Variants in WDR33 observed in about 807,000 individuals in gnomAD.
The protein encoded by WDR33 is pre-mRNA 3' end processing protein WDR33.
Under a neutral mutation model 164.9 loss-of-function variants are expected in WDR33, and 47 were observed. The ratio of observed to expected loss-of-function variants is 0.29; its 90% CI spans 0.23 to 0.36. The LOEUF (loss-of-function observed/expected upper bound fraction) is 0.36. Among genes scored for constraint, WDR33 ranks in the 10% least tolerant of loss-of-function variants. The probability of loss-of-function intolerance (pLI) is 1.00; values close to 1 mark genes in which losing one functional copy is unlikely to be tolerated. For missense variants in WDR33, 1,137 were observed against 1,754.1 expected (o/e 0.65, Z 6.28); for synonymous variants, 505 against 589.0 (o/e 0.86, Z 2.06).
chr2:127,707,495 T>C (rs1001576422), intron 21 of WDR33, among the ~76,000 whole-genome samples: 1 of 152,122 alleles, frequency 6.6e-6, no homozygotes. Flanking sequence ...CTGGGCAGAG[T>C]GTCAGCTACT....
intron 7 of WDR33, among the ~76,000 whole-genome samples, chr2:127,751,501 T>C (rs548224667): frequency 1.3e-5 from 2 of 149,226 alleles, no homozygotes; most frequent in South Asian, 4.2e-4. Context: ...TGGTGAGCTA[T>C]GATCATGCCA....
chr2:127,711,958 G>T (rs1479603617), intron 18 of WDR33, among the ~76,000 whole-genome samples: 1 of 150,102 alleles, frequency 6.7e-6, no homozygotes, highest in Non-Finnish European at 1.5e-5. Context: ...ATCTTTAGTA[G>T]AGACAGGGTT....
intron 7 of WDR33, among the ~76,000 whole-genome samples, chr2:127,757,256 T>C (rs990507143): frequency 3.3e-5 from 5 of 152,134 alleles, no homozygotes; most frequent in African/African-American, 9.7e-5. Flanking sequence ...TAAATAAGCA[T>C]AGCGATTAAA....
At chr2:127,788,286 G>A (rs1314677349) in intron 1 of WDR33, among the ~76,000 whole-genome samples, 4 of 124,024 alleles carry the variant, frequency 3.2e-5, no homozygotes, top group Admixed American at 7.4e-5. Flanking sequence ...GCGGCCGGCC[G>A]GGCGGGGGGC....
chr2:127,719,483 G>T lies in WDR33; in HGVS notation c.2542C>A (p.Pro848Thr), dbSNP rs773516603. 7.7e-5 allele frequency: 124 copies of T among 1,601,684 alleles called. No individual in the cohort carries two copies. Among genetic ancestry groups the T allele is most frequent in the Admixed American group, 1.5e-4 (9 of 58,194 alleles). Residue 848 changes from proline (P) to threonine (T), a missense_variant, in exon 16 of 22, where the codon CCT (proline) becomes ACT (threonine). Transcript: ENST00000322313. The surrounding 1 kb of genome is among the most constrained non-coding windows in gnomAD (Gnocchi z 6.5). ...GGAGGCCCTCGCAATTCCTGGGGAG[G>T]TCCCAGCATTGATCCTTGGGGTGGA... is the stretch of plus-strand genomic sequence containing the variant. ...GPPPQGSMLG[P>T]PQELRGPPGS...
chr2:127,734,527 G>C (rs1002722645), intron 7 of WDR33, among the ~76,000 whole-genome samples: 1 of 152,154 alleles, frequency 6.6e-6, no homozygotes, highest in Admixed American at 6.6e-5. Context: ...GGAAGTAAAC[G>C]ATTTCACTTA....
chr2:127,794,013 G>A (rs747425426), intron 1 of WDR33, among the ~76,000 whole-genome samples: 1 of 151,924 alleles, frequency 6.6e-6, no homozygotes, highest in Non-Finnish European at 1.5e-5. Context: ...CGCACCCGTG[G>A]CCCCAGCTAC....
rs537390855 is a variant in WDR33, at chr2:127,771,412, T to A, written c.-23-408A>T. ...ACACCATAGAAAAGTATGATAAAAA[T>A]ACTATATTATAATCTTATGAGACCA... is the stretch of plus-strand genomic sequence containing the variant. On this transcript the variant is annotated intron_variant, in intron 1 of 21. Coordinates refer to ENST00000322313, the MANE Select transcript of WDR33 (RefSeq NM_018383.5). Among the ~76,000 whole-genome samples the A allele has an allele frequency of 2.0e-5, 3 of 152,268 alleles. No homozygotes were observed. The East Asian group carries it at 5.8e-4, about 29-fold the overall frequency.
At position 127,701,452 on chromosome 2, in the gene WDR33, G is replaced by A. The variant is rs2105363197; in HGVS notation, c.*4871C>T. On this transcript the variant is annotated 3_prime_UTR_variant, in exon 22 of 22. Transcript: ENST00000322313. Reference sequence around the variant, plus strand: ...CTTTCGCCGTCGCCGACCAATTGCCGCCCGAAGACCGAACCGCTTCAGCGG... The same window carrying A: ...CTTTCGCCGTCGCCGACCAATTGCCACCCGAAGACCGAACCGCTTCAGCGG... The A allele has an allele frequency of 3.3e-6, 4 of 1,222,768 alleles. No individual in the cohort carries two copies. Among genetic ancestry groups the A allele is most frequent in the Non-Finnish European group, 4.1e-6 (4 of 976,870 alleles). The allele number at this position is 1,222,768 out of a possible 1,614,324, so 75.7% of individuals were successfully genotyped here.
Position 127,724,539 on chromosome 2 carries a change from A to G in WDR33, c.1086-96T>C. 9.2e-7 allele frequency: 1 copy of G among 1,083,136 alleles called. No individual in the cohort carries two copies. 67.1% of individuals were successfully genotyped at this position (1,083,136 alleles called of 1,614,324 possible). Reference sequence around the variant, plus strand: ...ACATTTTCTGTTACTCTTAAAATGAAGCTACCAAAGCCTGGACTTGGACTC... The same window carrying G: ...ACATTTTCTGTTACTCTTAAAATGAGGCTACCAAAGCCTGGACTTGGACTC... On this transcript the variant is annotated intron_variant, in intron 10 of 21. Coordinates refer to ENST00000322313, the MANE Select transcript of WDR33 (RefSeq NM_018383.5). The surrounding 1 kb of genome is among the most constrained non-coding windows in gnomAD (Gnocchi z 4.8).
At position 127,701,979 on chromosome 2, in the gene WDR33, G is replaced by A. The variant is rs948225425; in HGVS notation, c.*4344C>T. On this transcript the variant is annotated 3_prime_UTR_variant, in exon 22 of 22. Transcript: ENST00000322313. ...GTCCCGGCCCGCGCTGCTCTACATG[G>A]CAGCGCTGGGCGCCACGCTGTTCGC... 6.6e-6 allele frequency: 9 copies of A among 1,359,748 alleles called. No individual in the cohort carries two copies. The highest frequency in any genetic ancestry group is 1.5e-5 in the African/African-American group (1 of 64,720). The allele number at this position is 1,359,748 out of a possible 1,614,324, so 84.2% of individuals were successfully genotyped here. A position where few individuals can be genotyped will look rare whatever the true frequency, so the allele number is the denominator to read the frequency against.
intron 1 of WDR33, among the ~76,000 whole-genome samples, chr2:127,798,486 C>T (rs1689122473): frequency 6.7e-6 from 1 of 149,686 alleles, no homozygotes; most frequent in Non-Finnish European, 1.5e-5. Flanking sequence ...TATTTCAAAT[C>T]TGTCAATAGC....
In WDR33 at chr2:127,765,794, T is replaced by TA. The variant is rs769820035; in HGVS notation, c.379-526dup. Among the ~76,000 whole-genome samples, 285 of 135,756 alleles carry TA rather than the reference T, an allele frequency of 2.1e-3. 1 individual carries two copies. The highest frequency in any genetic ancestry group is 5.8e-3 in the South Asian group (25 of 4,290). The allele number at this position is 135,756 out of a possible 152,430, so 89.1% of individuals were successfully genotyped here. A position where few individuals can be genotyped will look rare whatever the true frequency, so the allele number is the denominator to read the frequency against. On this transcript the variant is annotated intron_variant, in intron 4 of 21. Transcript: ENST00000322313. ...AACTCTTCCTGCAGCTAAACATATT[T>TA]AAAAAAAAAAAAAAAAGTAAGCTCT... is the stretch of plus-strand genomic sequence containing the variant.
intron 1 of WDR33, among the ~76,000 whole-genome samples, chr2:127,802,894 T>A (rs918622454): frequency 2.0e-5 from 3 of 151,980 alleles, no homozygotes; most frequent in African/African-American, 7.3e-5. Context: ...GGTGGGAGGA[T>A]CACCCAAACC....
chr2:127,785,923 G>A (rs1210265462), intron 1 of WDR33, among the ~76,000 whole-genome samples: 4 of 152,220 alleles, frequency 2.6e-5, no homozygotes, highest in Non-Finnish European at 5.9e-5. Flanking sequence ...GTACCATTCT[G>A]CATTCCAACT....
At chr2:127,782,835 C>A (rs149162150) in intron 1 of WDR33, among the ~76,000 whole-genome samples, 2 of 152,056 alleles carry the variant, frequency 1.3e-5, no homozygotes, top group Admixed American at 6.6e-5. Flanking sequence ...TGGTGAAACC[C>A]CATCTCTACT....
chr2:127,762,801 G>T (rs573765134), intron 7 of WDR33: 6 of 1,259,990 alleles, frequency 4.8e-6, no homozygotes, highest in Non-Finnish European at 6.0e-6. Context: ...CCTAAAAGAT[G>T]CATACAGATA....
chr2:127,763,448 C>T lies in WDR33; in HGVS notation c.627-289G>A, dbSNP rs999176980. ...TGTTCCTTCTCTATTTTCTATGATA[C>T]GAGGAAATCACATGAAGCTGCCTTA... On this transcript the variant is annotated intron_variant, in intron 6 of 21. Coordinates refer to ENST00000322313, the MANE Select transcript of WDR33 (RefSeq NM_018383.5). This position sits in a 1 kb window ranked among gnomAD's most constrained non-coding sequence, Gnocchi z 4.5. 93 of 1,132,708 alleles carry T rather than the reference C, an allele frequency of 8.2e-5. No individual in the cohort carries two copies. Among genetic ancestry groups the T allele is most frequent in the Non-Finnish European group, 9.8e-5 (90 of 920,868 alleles). The allele number at this position is 1,132,708 out of a possible 1,614,324, so 70.2% of individuals were successfully genotyped here. A position where few individuals can be genotyped will look rare whatever the true frequency, so the allele number is the denominator to read the frequency against.
At position 127,722,440 on chromosome 2, in the gene WDR33, C is replaced by T. The variant is rs1335543411; in HGVS notation, c.1518+151G>A. On this transcript the variant is annotated intron_variant, in intron 14 of 21. Transcript: ENST00000322313. The surrounding 1 kb of genome is among the most constrained non-coding windows in gnomAD (Gnocchi z 5.1). Reference sequence around the variant, plus strand: ...TAACAAACTCAATACAACTGCAAAGCAGTAGATGAGAACCATGTCTAAGAG... The same window carrying T: ...TAACAAACTCAATACAACTGCAAAGTAGTAGATGAGAACCATGTCTAAGAG... 2.8e-6 allele frequency: 3 copies of T among 1,059,676 alleles called. No individual in the cohort carries two copies. Among genetic ancestry groups the T allele is most frequent in the East Asian group, 2.5e-5 (1 of 40,496 alleles). 65.6% of individuals were successfully genotyped at this position (1,059,676 alleles called of 1,614,324 possible).
Sources: allele counts gnomAD v4.1 joint callset (sites outside exome capture counted in the v4.1 genomes callset), GRCh38; gene constraint gnomAD v4.1.1; non-coding constraint Gnocchi (gnomAD v3.1); transcripts MANE v1.5; gene names NCBI Gene and HGNC (gene_info 2026-07-23, HGNC 2026-07-21).